Variants in SH3RF3 observed in about 807,000 individuals in gnomAD.
SH3RF3 encodes the protein SH3 domain containing ring finger 3.
SH3RF3 carries 29 observed loss-of-function variants against 66.3 expected under a neutral mutation model. That is an observed-to-expected ratio of 0.44 (90% CI 0.33 to 0.60). The LOEUF is 0.60. SH3RF3 is among the 20% of genes least tolerant of loss of function. The probability of loss-of-function intolerance (pLI) is 0.04; values close to 1 mark genes in which losing one functional copy is unlikely to be tolerated. For missense variants in SH3RF3, 1,194 were observed against 1,190.9 expected (o/e 1.00, Z -0.04); for synonymous variants, 583 against 532.0 (o/e 1.10, Z -1.32).
At chr2:109,267,298 TG>T (rs1204975975) in intron 1 of SH3RF3, among the ~76,000 whole-genome samples, 1 of 152,082 alleles carries the variant, frequency 6.6e-6, no homozygotes, top group Non-Finnish European at 1.5e-5. Flanking sequence ...AGGTCATGGC[TG>T]GTGAAAGGGC....
intron 1 of SH3RF3, among the ~76,000 whole-genome samples, chr2:109,203,782 C>G (rs1678742003): frequency 1.3e-5 from 2 of 151,914 alleles, no homozygotes; most frequent in African/African-American, 2.4e-5. Flanking sequence ...CTCGGTCCAT[C>G]CATTCCTGCC....
At chr2:109,198,861 A>C (rs922789924) in intron 1 of SH3RF3, among the ~76,000 whole-genome samples, 1 of 152,210 alleles carries the variant, frequency 6.6e-6, no homozygotes, top group Non-Finnish European at 1.5e-5. Context: ...GGATGTGACT[A>C]TACTGAACAC....
intron 9 of SH3RF3, 141 bp from the exon 10 acceptor site, chr2:109,501,362 A>C (rs1679380305): frequency 2.0e-6 from 1 of 507,790 alleles, no homozygotes; most frequent in Admixed American, 3.2e-5. Flanking sequence ...GAAAAAATTA[A>C]AAATAAAGAT....
chr2:109,139,834 G>A (rs1676899326), intron 1 of SH3RF3, among the ~76,000 whole-genome samples: 1 of 152,182 alleles, frequency 6.6e-6, no homozygotes, highest in Non-Finnish European at 1.5e-5. Flanking sequence ...AAAGACCAAT[G>A]TGTCCATTGC....
chr2:109,162,401 T>G (rs1295604483), intron 1 of SH3RF3, among the ~76,000 whole-genome samples: 2 of 152,092 alleles, frequency 1.3e-5, no homozygotes, highest in Non-Finnish European at 2.9e-5. Context: ...TTTTTTAAAT[T>G]TATTTATTTA....
At chr2:109,431,097 G>A (rs1263380796) in intron 5 of SH3RF3, among the ~76,000 whole-genome samples, 1 of 152,162 alleles carries the variant, frequency 6.6e-6, no homozygotes, top group Non-Finnish European at 1.5e-5. Flanking sequence ...TCCTGCTTGA[G>A]CCCTCGTGAG....
chr2:109,168,869 G>A (rs990543248), intron 1 of SH3RF3, among the ~76,000 whole-genome samples: 1 of 152,192 alleles, frequency 6.6e-6, no homozygotes, highest in African/African-American at 2.4e-5. Flanking sequence ...ACAAATGAAT[G>A]GAACGCTGCA....
chr2:109,274,227 A>G (rs1680695262), intron 1 of SH3RF3, among the ~76,000 whole-genome samples: 1 of 152,256 alleles, frequency 6.6e-6, no homozygotes, highest in Admixed American at 6.5e-5. Context: ...TGAGATTTCA[A>G]GTTCATTGGT....
chr2:109,379,603 G>A (rs1683466673), intron 3 of SH3RF3, among the ~76,000 whole-genome samples: 2 of 152,198 alleles, frequency 1.3e-5, no homozygotes, highest in Admixed American at 1.3e-4. Flanking sequence ...AGTTTTGTTT[G>A]AAGTTTCATT....
At chr2:109,444,781 C>T (rs1677661888) in intron 7 of SH3RF3, among the ~76,000 whole-genome samples, 1 of 152,000 alleles carries the variant, frequency 6.6e-6, no homozygotes, top group African/African-American at 2.4e-5. Flanking sequence ...TGAGCTGGCA[C>T]ATTAAGATTT....
At chr2:109,305,343 C>T (rs1219379658) in intron 1 of SH3RF3, among the ~76,000 whole-genome samples, 3 of 152,106 alleles carry the variant, frequency 2.0e-5, no homozygotes, top group African/African-American at 7.2e-5. Flanking sequence ...TCTGTGGTTA[C>T]CTTTAATGGC....
chr2:109,341,558 C>T (rs1018611741), intron 1 of SH3RF3, among the ~76,000 whole-genome samples: 5 of 152,192 alleles, frequency 3.3e-5, no homozygotes, highest in African/African-American at 1.2e-4. Context: ...ATAAGCTGAG[C>T]TGTGAATGAG....
intron 1 of SH3RF3, among the ~76,000 whole-genome samples, chr2:109,192,769 T>C (rs1190431693): frequency 6.6e-6 from 1 of 152,200 alleles, no homozygotes; most frequent in Admixed American, 6.5e-5. Context: ...CCCATGGAAG[T>C]CACAGCAGTG....
chr2:109,146,049 G>A (rs999796866), intron 1 of SH3RF3, among the ~76,000 whole-genome samples: 5 of 132,700 alleles, frequency 3.8e-5, no homozygotes, highest in African/African-American at 8.4e-5. Flanking sequence ...CATGCGGGCC[G>A]AGGGAGTCCA....
chr2:109,403,510 G>A (rs1676371106), intron 4 of SH3RF3, among the ~76,000 whole-genome samples: 1 of 152,244 alleles, frequency 6.6e-6, no homozygotes, highest in Admixed American at 6.5e-5. Flanking sequence ...ACTCTTGTCA[G>A]GACATGGTTA....
intron 1 of SH3RF3, among the ~76,000 whole-genome samples, chr2:109,183,719 C>T: frequency 6.6e-6 from 1 of 152,244 alleles, no homozygotes; most frequent in East Asian, 1.9e-4. Flanking sequence ...TCAGCACTTT[C>T]CTACATGGAG....
chr2:109,261,209 C>A (rs116812233), intron 1 of SH3RF3, among the ~76,000 whole-genome samples: 1 of 152,064 alleles, frequency 6.6e-6, no homozygotes. Flanking sequence ...TTTGTAGTTG[C>A]ATAGGTGTAA....
At chr2:109,259,278 C>G (rs1053820998) in intron 1 of SH3RF3, among the ~76,000 whole-genome samples, 4 of 152,334 alleles carry the variant, frequency 2.6e-5, no homozygotes, top group Admixed American at 6.5e-5. Context: ...CTGCTGGCTC[C>G]TGAACAACTG....
At chr2:109,404,687 A>G (rs979233458) in intron 4 of SH3RF3, among the ~76,000 whole-genome samples, 21 of 152,114 alleles carry the variant, frequency 1.4e-4, no homozygotes, top group African/African-American at 4.8e-4. Flanking sequence ...GCCCCCTCCC[A>G]GCACCTTTGC....
Sources: allele counts gnomAD v4.1 joint callset (sites outside exome capture counted in the v4.1 genomes callset), GRCh38; gene constraint gnomAD v4.1.1; transcripts MANE v1.5; gene names NCBI Gene and HGNC (gene_info 2026-07-23, HGNC 2026-07-21).